Variants in PALLD observed in about 807,000 individuals in gnomAD.
PALLD encodes the protein palladin.
A neutral mutation model predicts 123.5 loss-of-function variants in PALLD; 61 were observed. The ratio of observed to expected loss-of-function variants is 0.49; its 90% CI spans 0.40 to 0.61. PALLD has a LOEUF of 0.61. PALLD is among the 20% of genes least tolerant of loss of function. The pLI is 0.00. For missense variants in PALLD, 1,273 were observed against 1,377.0 expected, an observed-to-expected ratio of 0.92 and a Z score of 1.20; for synonymous variants, 465 against 496.4, an observed-to-expected ratio of 0.94 and a Z score of 0.84.
chr4:168,649,469 G>A (rs1777817144), intron 2 of PALLD, among the ~76,000 whole-genome samples: 1 of 152,174 alleles, frequency 6.6e-6, no homozygotes, highest in Admixed American at 6.5e-5. Flanking sequence ...TCATGGAAGT[G>A]CTCTCAAATA....
At chr4:168,857,455 A>G (rs1748768999) in intron 10 of PALLD, among the ~76,000 whole-genome samples, 1 of 152,256 alleles carries the variant, frequency 6.6e-6, no homozygotes, top group Admixed American at 6.5e-5. Context: ...AGAAAGGTGA[A>G]ACACCAGGTA....
chr4:168,659,921 A>G (rs1778968758), intron 2 of PALLD, among the ~76,000 whole-genome samples: 1 of 152,234 alleles, frequency 6.6e-6, no homozygotes, highest in Non-Finnish European at 1.5e-5. Context: ...CTTGTAAGCC[A>G]AGCAATGCCA....
chr4:168,867,920 GAAAA>G (rs953068622), intron 10 of PALLD, among the ~76,000 whole-genome samples: 1 of 147,250 alleles, frequency 6.8e-6, no homozygotes, highest in Non-Finnish European at 1.5e-5. Flanking sequence ...AAAAAAAAAA[GAAAA>G]AAAAAATTCT....
chr4:168,543,868 A>G (rs746388130), intron 2 of PALLD, among the ~76,000 whole-genome samples: 17 of 152,232 alleles, frequency 1.1e-4, no homozygotes, highest in Non-Finnish European at 2.2e-4. Flanking sequence ...ACCCAAAGGA[A>G]GAGATCCTTC....
At chr4:168,786,708 A>C (rs1736812543) in intron 10 of PALLD, among the ~76,000 whole-genome samples, 1 of 152,256 alleles carries the variant, frequency 6.6e-6, no homozygotes, top group Admixed American at 6.5e-5. Context: ...GGAACATTTA[A>C]AAAGCAGTAA....
At chr4:168,517,287 AACTTTTAAACACCC>A (rs1187174361) in intron 2 of PALLD, among the ~76,000 whole-genome samples, 2 of 152,204 alleles carry the variant, frequency 1.3e-5, no homozygotes, top group East Asian at 3.8e-4. Context: ...TGTCAAAAAA[AACTTTTAAACACCC>A]ACTTATTGTA....
chr4:168,543,248 A>G (rs542801225), intron 2 of PALLD, among the ~76,000 whole-genome samples: 219 of 152,210 alleles, frequency 1.4e-3, no homozygotes, highest in Admixed American at 3.6e-3. Context: ...TGAGAGGAAT[A>G]TATGAGTTAA....
chr4:168,738,130 T>A (rs1561465502), intron 10 of PALLD, among the ~76,000 whole-genome samples: 1 of 151,856 alleles, frequency 6.6e-6, no homozygotes. Context: ...GGCCAGAAAC[T>A]GATGTGAAAA....
At chr4:168,700,439 T>C (rs1783566976) in intron 8 of PALLD, 1 of 152,220 alleles carries the variant, frequency 6.6e-6, no homozygotes, top group Non-Finnish European at 1.5e-5. Flanking sequence ...TCCTATAAAA[T>C]CATACACAAT....
chr4:168,924,208 C>T, intron 18 of PALLD, 47 bp from the exon 19 acceptor site: 3 of 1,529,608 alleles, frequency 2.0e-6, no homozygotes, highest in Non-Finnish European at 2.7e-6. Flanking sequence ...CTTTCTAGTG[C>T]TCCTTTTGTA....
intron 2 of PALLD, among the ~76,000 whole-genome samples, chr4:168,576,633 C>A (rs1769634384): frequency 6.6e-6 from 1 of 152,214 alleles, no homozygotes; most frequent in South Asian, 2.1e-4. Context: ...TCCAGTCTAT[C>A]ATTGTTGGAC....
In PALLD at chr4:168,690,605, A is replaced by G. The variant is rs1358488433; in HGVS notation, c.1338A>G (p.Glu446=). 6.2e-7 allele frequency: 1 copy of G among 1,614,178 alleles called. No homozygotes were observed. The highest frequency in any genetic ancestry group is 1.1e-5 in the South Asian group (1 of 91,080). ...CCTTGAATTTCCTTGAATTTCAGGA[A>G]CTGCAAAACACAGCCGTGGCGGAAG... is the stretch of plus-strand genomic sequence containing the variant. ...TAYFPPVFTK[E]LQNTAVAEGQ... is the part of the protein sequence containing the mutation. The change falls in exon 7 of 22, where the codon GAA becomes GAG. Residue 446 remains glutamate, a splice_region_variant and synonymous_variant. Coordinates refer to ENST00000505667, the MANE Select transcript of PALLD (RefSeq NM_001166108.2).
At chr4:168,860,685 G>A (rs1749332549) in intron 10 of PALLD, among the ~76,000 whole-genome samples, 1 of 152,182 alleles carries the variant, frequency 6.6e-6, no homozygotes, top group Non-Finnish European at 1.5e-5. Flanking sequence ...ATCTGTGCCT[G>A]GTGGTGCACG....
intron 10 of PALLD, among the ~76,000 whole-genome samples, chr4:168,752,023 C>T (rs1055097998): frequency 3.3e-5 from 5 of 152,186 alleles, no homozygotes; most frequent in Non-Finnish European, 7.3e-5. Flanking sequence ...CGGGCTCTGT[C>T]GAACACTCAG....
chr4:168,720,318 A>T (rs138888152), intron 10 of PALLD, among the ~76,000 whole-genome samples: 1 of 152,200 alleles, frequency 6.6e-6, no homozygotes, highest in African/African-American at 2.4e-5. Flanking sequence ...AAGATACATC[A>T]TTCAGTTTTT....
chr4:168,752,361 G>A (rs763242354), intron 10 of PALLD, among the ~76,000 whole-genome samples: 4 of 152,150 alleles, frequency 2.6e-5, no homozygotes, highest in African/African-American at 9.7e-5. Context: ...GGGAGACCCC[G>A]CCTAAAAAAC....
intron 10 of PALLD, among the ~76,000 whole-genome samples, chr4:168,767,116 A>G (rs993851217): frequency 2.0e-4 from 31 of 152,184 alleles, no homozygotes; most frequent in African/African-American, 7.5e-4. Flanking sequence ...AACCGGCCAA[A>G]TAAGAGCCCA....
At chr4:168,899,320 G>A (rs752726056) in intron 14 of PALLD, among the ~76,000 whole-genome samples, 15 of 152,062 alleles carry the variant, frequency 9.9e-5, no homozygotes, top group Admixed American at 7.2e-4. Flanking sequence ...TTAAAGGAAG[G>A]ACTAGAATAA....
At chr4:168,509,005 G>T (rs765157223) in intron 1 of PALLD, among the ~76,000 whole-genome samples, 96 of 152,094 alleles carry the variant, frequency 6.3e-4, no homozygotes, top group Non-Finnish European at 1.2e-3. Flanking sequence ...AATGGTACTG[G>T]GTGTCCTTGC....
Sources: allele counts gnomAD v4.1 joint callset (sites outside exome capture counted in the v4.1 genomes callset), GRCh38; gene constraint gnomAD v4.1.1; transcripts MANE v1.5; gene names NCBI Gene and HGNC (gene_info 2026-07-23, HGNC 2026-07-21).